Variants in MAPT observed in about 807,000 individuals in gnomAD.
MAPT encodes microtubule associated protein tau, also known as microtubule-associated protein tau.
MAPT carries 34 observed loss-of-function variants against 67.9 expected under a neutral mutation model. The observed-to-expected ratio is 0.50, with a 90% CI of 0.38 to 0.67. MAPT has a LOEUF of 0.67. MAPT is among the 30% of genes least tolerant of loss of function. MAPT has a pLI of 0.00. For synonymous variants in MAPT, 456 were observed against 464.5 expected (o/e 0.98, Z 0.23); for missense variants, 881 against 1,115.2 (o/e 0.79, Z 2.99).
Position 45,990,043 on chromosome 17 carries a change from G to A in MAPT, c.1573G>A (p.Gly525Ser), listed in dbSNP as rs1395514288. The stretch of plus-strand genomic sequence containing the variant: ...CGTCTCTTCTGTCACTTCCCGAACT[G>A]GCAGTTCTGGAGCAAAGGAGATGAA... ...KYVSSVTSRTGSSGAKEMKLK... is the reference protein window; with the variant it reads ...KYVSSVTSRTSSSGAKEMKLK... Residue 525 changes from glycine to serine, a missense_variant, in exon 7 of 13, where the codon GGC becomes AGC. Physicochemically the swap from Gly to Ser is moderately conservative, Grantham distance 56 (BLOSUM62 0). Coordinates refer to ENST00000262410, the MANE Select transcript of MAPT (RefSeq NM_001377265.1). The A allele has an allele frequency of 6.2e-7, 1 of 1,613,990 alleles. No homozygotes were observed. Among genetic ancestry groups the A allele is most frequent in the Non-Finnish European group, 8.5e-7 (1 of 1,180,030 alleles).
Position 46,026,977 on chromosome 17 carries a change from A to C in MAPT, c.*2806A>C, listed in dbSNP as rs2158257. ...TCGTGTGCAGCTAGAGCTTTACCTGAAAGGAAGTCTCTGGGCCCAGAACTC... is the reference window on the plus strand; with the variant it reads ...TCGTGTGCAGCTAGAGCTTTACCTGCAAGGAAGTCTCTGGGCCCAGAACTC... On this transcript the variant is annotated 3_prime_UTR_variant, in exon 13 of 13. Transcript: ENST00000262410. The C allele has an allele frequency of 0.14, 21,779 of 152,102 alleles. 2,127 individuals carry two copies. The highest frequency in any genetic ancestry group is 0.22 in the Non-Finnish European group (14,745 of 67,988). The allele number at this position is 152,102 out of a possible 1,614,324, so 9.4% of individuals were successfully genotyped here.
chr17:45,907,085 C>T (rs1036390681), intron 1 of MAPT, among the ~76,000 whole-genome samples: 1 of 152,164 alleles, frequency 6.6e-6, no homozygotes, highest in Non-Finnish European at 1.5e-5. Flanking sequence ...GTGGTCCTGC[C>T]ATGGGCATCG....
At position 46,025,526 on chromosome 17, in the gene MAPT, C is replaced by A. The variant is rs976986673; in HGVS notation, c.*1355C>A. The A allele has an allele frequency of 6.5e-6, 1 of 152,792 alleles. No individual in the cohort carries two copies. The highest frequency in any genetic ancestry group is 1.5e-5 in the Non-Finnish European group (1 of 68,140). 9.5% of individuals were successfully genotyped at this position (152,792 alleles called of 1,614,324 possible). On this transcript the variant is annotated 3_prime_UTR_variant, in exon 13 of 13. Coordinates refer to ENST00000262410, the MANE Select transcript of MAPT (RefSeq NM_001377265.1). Reference sequence around the variant, plus strand: ...GAGTGGGACCCCAGCCTCTCACTCTCAGTTCCACTCATCCAACTGGGACCC... The same window carrying A: ...GAGTGGGACCCCAGCCTCTCACTCTAAGTTCCACTCATCCAACTGGGACCC...
chr17:46,011,846 C>T (rs1299421122), intron 10 of MAPT, among the ~76,000 whole-genome samples: 1 of 152,212 alleles, frequency 6.6e-6, no homozygotes, highest in Non-Finnish European at 1.5e-5. Flanking sequence ...GCACCTGGAT[C>T]CCGGCTTCTG....
intron 1 of MAPT, among the ~76,000 whole-genome samples, chr17:45,922,872 C>T (rs975878104): frequency 1.2e-4 from 18 of 152,170 alleles, no homozygotes; most frequent in Admixed American, 1.2e-3. Flanking sequence ...CTGAATAGGA[C>T]TCAAGTCAAG....
At chr17:45,950,926 G>A (rs899468261) in intron 1 of MAPT, among the ~76,000 whole-genome samples, 2 of 152,208 alleles carry the variant, frequency 1.3e-5, no homozygotes, top group Non-Finnish European at 2.9e-5. Flanking sequence ...GCCTCCGGAA[G>A]TGCTGGGATT....
At chr17:45,949,371 C>T (rs548151206) in intron 1 of MAPT, among the ~76,000 whole-genome samples, 2 of 152,352 alleles carry the variant, frequency 1.3e-5, no homozygotes, top group South Asian at 2.1e-4. Context: ...CAGCCCGACT[C>T]GGGCTTCCCC....
Position 46,025,278 on chromosome 17 carries a change from C to T in MAPT, c.*1107C>T, listed in dbSNP as rs2076756883. The T allele has an allele frequency of 6.6e-6, 1 of 151,458 alleles. No homozygotes were observed. The highest frequency in any genetic ancestry group is 1.5e-5 in the Non-Finnish European group (1 of 67,878). 9.4% of individuals were successfully genotyped at this position (151,458 alleles called of 1,614,324 possible). A position where few individuals can be genotyped will look rare whatever the true frequency, so the allele number is the denominator to read the frequency against. Reference sequence around the variant, plus strand: ...GTGTGGGGGTCTGGGAGGCAGGTCCCGAGCCCCCTGTCCTTCCCACGGCCA... The same window carrying T: ...GTGTGGGGGTCTGGGAGGCAGGTCCTGAGCCCCCTGTCCTTCCCACGGCCA... On this transcript the variant is annotated 3_prime_UTR_variant, in exon 13 of 13. Coordinates refer to ENST00000262410, the MANE Select transcript of MAPT (RefSeq NM_001377265.1).
chr17:45,986,565 C>A (rs778886094), intron 5 of MAPT, among the ~76,000 whole-genome samples: 3 of 152,212 alleles, frequency 2.0e-5, no homozygotes, highest in Non-Finnish European at 2.9e-5. Flanking sequence ...CACCCACCCC[C>A]ATCCTTGGAT....
At chr17:45,965,259 G>A (rs1277632874) in intron 2 of MAPT, among the ~76,000 whole-genome samples, 5 of 151,772 alleles carry the variant, frequency 3.3e-5, no homozygotes, top group Admixed American at 6.6e-5. Context: ...GTGAAACCTC[G>A]TCTCTACTAA....
intron 1 of MAPT, chr17:45,907,746 A>G (rs1019146369): frequency 6.6e-6 from 1 of 152,274 alleles, no homozygotes; most frequent in African/African-American, 2.4e-5. Context: ...CCATTGGTCC[A>G]AATGAGTTTT....
chr17:45,956,360 C>T (rs1053984594), intron 1 of MAPT, among the ~76,000 whole-genome samples: 2 of 151,968 alleles, frequency 1.3e-5, no homozygotes, highest in South Asian at 2.1e-4. Flanking sequence ...GTCCAGCATG[C>T]GGGTCCCTGG....
At chr17:45,922,486 AACAC>A (rs59017604) in intron 1 of MAPT, among the ~76,000 whole-genome samples, 52 of 146,640 alleles carry the variant, frequency 3.5e-4, no homozygotes, top group African/African-American at 9.0e-4. Flanking sequence ...CTAGCTAGAG[AACAC>A]ACACACACAC....
intron 1 of MAPT, among the ~76,000 whole-genome samples, chr17:45,958,173 G>C (rs2069953200): frequency 6.6e-6 from 1 of 152,050 alleles, no homozygotes; most frequent in African/African-American, 2.4e-5. Flanking sequence ...TAAAAAATTA[G>C]ACCACTAAAA....
At chr17:46,013,180 C>G (rs118095771) in intron 10 of MAPT, among the ~76,000 whole-genome samples, 1 of 152,142 alleles carries the variant, frequency 6.6e-6, no homozygotes, top group Non-Finnish European at 1.5e-5. Flanking sequence ...GGTGCTTCCT[C>G]GGGAGCTGAC....
At position 45,906,435 on chromosome 17, in the gene MAPT, A is replaced by G. The variant is rs62056806; in HGVS notation, c.-18+11749A>G. Among the ~76,000 whole-genome samples the G allele has an allele frequency of 0.14, 21,820 of 152,204 alleles. 2,138 individuals are homozygous for G. The highest frequency in any genetic ancestry group is 0.22 in the Middle Eastern group (64 of 294). ...ATGAGTGATTAAATTAAAGCCAGGC[A>G]TTGACTTGGATGGTGTAATATTCTG... is the stretch of plus-strand genomic sequence containing the variant. On this transcript the variant is annotated intron_variant, in intron 1 of 12. Transcript: ENST00000262410. The surrounding 1 kb of genome is among the most constrained non-coding windows in gnomAD (Gnocchi z 4.3).
At chr17:45,949,724 C>T (rs62062795) in intron 1 of MAPT, among the ~76,000 whole-genome samples, 21,810 of 152,072 alleles carry the variant, frequency 0.14, 2,137 homozygotes, top group Non-Finnish European at 0.22. Flanking sequence ...GGGATGTTGA[C>T]TGGTCCCCCT....
intron 11 of MAPT, among the ~76,000 whole-genome samples, chr17:46,015,407 C>T (rs1001031772): frequency 6.6e-6 from 1 of 151,404 alleles, no homozygotes; most frequent in African/African-American, 2.4e-5. Flanking sequence ...CGCCTGTAAT[C>T]CCAGCACTTT....
chr17:45,987,167 A>G (rs2145706104), intron 6 of MAPT, 72 bp downstream of exon 6: 1 of 1,362,930 alleles, frequency 7.3e-7, no homozygotes, highest in Non-Finnish European at 1.0e-6. Context: ...TGTCTGATTC[A>G]TTCTCATATA....
Sources: gnomAD v4.1 joint callset for allele counts (sites outside exome capture counted in the v4.1 genomes callset) on GRCh38, gnomAD v4.1.1 for gene constraint, Gnocchi (gnomAD v3.1) non-coding constraint, MANE v1.5 for transcripts, NCBI Gene and HGNC (gene_info 2026-07-23, HGNC 2026-07-21) for gene names.